The following HSPA12A variants were observed in gnomAD, a reference collection of about 807,000 sequenced individuals.
HSPA12A encodes heat shock 70 kDa protein 12A.
A neutral mutation model predicts 69.2 loss-of-function variants in HSPA12A; 28 were observed. The observed-to-expected ratio is 0.40, with a 90% CI of 0.30 to 0.55. HSPA12A has a LOEUF of 0.55. HSPA12A is among the 20% of genes least tolerant of loss of function. The probability of loss-of-function intolerance (pLI) is 0.38; values close to 1 mark genes in which losing one functional copy is unlikely to be tolerated. For synonymous variants in HSPA12A, 345 were observed against 370.5 expected (o/e 0.93, Z 0.79); for missense variants, 686 against 900.7 (o/e 0.76, Z 3.05).
rs895518427 is a variant in HSPA12A, at chr10:116,798,161, G to A, written c.91+36774C>T. On this transcript the variant is annotated intron_variant, in intron 2 of 12. Transcript: ENST00000635765. ...GAACTGGACTTCCCTCAATGTGGAC[G>A]GTAGAGGGGCGGGGCGGTGGGGCGG... Among the ~76,000 whole-genome samples, 6 of 150,916 alleles carry A rather than the reference G, an allele frequency of 4.0e-5. No homozygotes were observed. The South Asian group carries it at 6.4e-4, about 16-fold the overall frequency.
intron 1 of HSPA12A, among the ~76,000 whole-genome samples, chr10:116,712,251 A>C (rs181796359): frequency 6.6e-6 from 1 of 152,320 alleles, no homozygotes; most frequent in East Asian, 1.9e-4. Context: ...GGGTGGTTAT[A>C]GATTAACTCA....
chr10:116,802,271 T>G (rs895203836), intron 2 of HSPA12A, among the ~76,000 whole-genome samples: 1 of 152,186 alleles, frequency 6.6e-6, no homozygotes, highest in African/African-American at 2.4e-5. Context: ...CCCAGGCCCG[T>G]GGACTCCTGT....
intron 2 of HSPA12A, among the ~76,000 whole-genome samples, chr10:116,749,123 C>A (rs1278626760): frequency 2.0e-5 from 3 of 152,156 alleles, no homozygotes; most frequent in African/African-American, 7.2e-5. Flanking sequence ...CATTTCTCCA[C>A]GGCACTTTTA....
chr10:116,784,379 T>G (rs1844531171), intron 2 of HSPA12A, among the ~76,000 whole-genome samples: 1 of 152,278 alleles, frequency 6.6e-6, no homozygotes, highest in Admixed American at 6.5e-5. Flanking sequence ...ATTTCTCTGT[T>G]CTGCAGAGCA....
upstream of HSPA12A, among the ~76,000 whole-genome samples, chr10:116,742,776 C>G (rs1851559300): frequency 6.6e-6 from 1 of 151,952 alleles, no homozygotes; most frequent in African/African-American, 2.4e-5. Context: ...CCGGCCTCTC[C>G]TCTCCCGGCT....
intron 2 of HSPA12A, among the ~76,000 whole-genome samples, chr10:116,809,816 G>A (rs1845139667): frequency 6.6e-6 from 1 of 152,192 alleles, no homozygotes; most frequent in Admixed American, 6.5e-5. Context: ...GTTGCTCACC[G>A]CCATAACTGC....
chr10:116,826,097 C>A (rs1424371283), intron 2 of HSPA12A, among the ~76,000 whole-genome samples: 1 of 152,020 alleles, frequency 6.6e-6, no homozygotes, highest in Non-Finnish European at 1.5e-5. Flanking sequence ...ACCGCACATG[C>A]CCCACCCCCA....
chr10:116,692,223 G>A (rs782293742), intron 6 of HSPA12A, 128 bp downstream of exon 6: 7 of 690,120 alleles, frequency 1.0e-5, no homozygotes, highest in Non-Finnish European at 1.8e-5. Flanking sequence ...CCTGGCTAGG[G>A]GAGCCTCCTT....
At position 116,681,845 on chromosome 10, in the gene HSPA12A, G is replaced by A. The variant is rs570066842; in HGVS notation, c.868C>T (p.Arg290Trp). ...ATGACATTCTCCACCAAAAAGGTCC[G>A]ACTCTGCCGATTACGCCGTATGTGT... ...KEHIRRNRQS[R>W]TFLVENVIGE... Residue 290 changes from arginine to tryptophan, a missense_variant, in exon 8 of 12, where the codon CGG becomes TGG. By Grantham distance (101) the Arg-to-Trp change is moderately radical (BLOSUM62 -3). Transcript: ENST00000369209. The A allele has an allele frequency of 2.5e-6, 4 of 1,614,124 alleles. No individual in the cohort carries two copies. Among genetic ancestry groups the A allele is most frequent in the South Asian group, 2.2e-5 (2 of 91,068 alleles).
chr10:116,843,219 G>T (rs527951892), intron 1 of HSPA12A, among the ~76,000 whole-genome samples: 1 of 152,140 alleles, frequency 6.6e-6, no homozygotes, highest in Non-Finnish European at 1.5e-5. Flanking sequence ...ACAATTTTGC[G>T]CAAATGCTAA....
At chr10:116,726,027 G>GCGCGCA (rs140160132) in intron 1 of HSPA12A, among the ~76,000 whole-genome samples, 45,723 of 146,078 alleles carry the variant, frequency 0.31, 7,251 homozygotes, top group South Asian at 0.49. Flanking sequence ...ACACACACAC[G>GCGCGCA]CACACACACA....
intron 6 of HSPA12A, among the ~76,000 whole-genome samples, chr10:116,692,144 G>A (rs1259570956): frequency 6.6e-6 from 1 of 152,196 alleles, no homozygotes; most frequent in Non-Finnish European, 1.5e-5. Flanking sequence ...CTTGTTGTGG[G>A]ACTGACCCCC....
rs532661681 is a variant in HSPA12A at position 116,817,484 on chromosome 10, G to T, written c.91+17451C>A. 3.0e-5 allele frequency among the ~76,000 whole-genome samples: 4 copies of T among 133,216 alleles called. No homozygotes were observed. The East Asian group carries it at 9.8e-4, about 33-fold the overall frequency. The allele number at this position is 133,216 out of a possible 152,430, so 87.4% of individuals were successfully genotyped here. A position where few individuals can be genotyped will look rare whatever the true frequency, so the allele number is the denominator to read the frequency against. On this transcript the variant is annotated intron_variant, in intron 2 of 12. Transcript: ENST00000635765. ...GACAGGCTGGTCTTCTATTCGCTCGGTTCAAGGCTCTGGCAGAGGAAATCC... is the reference window on the plus strand; with the variant it reads ...GACAGGCTGGTCTTCTATTCGCTCGTTTCAAGGCTCTGGCAGAGGAAATCC...
chr10:116,825,459 C>G (rs977691471), intron 2 of HSPA12A, among the ~76,000 whole-genome samples: 2 of 152,044 alleles, frequency 1.3e-5, no homozygotes, highest in Admixed American at 1.3e-4. Context: ...TGCAGTGAGA[C>G]TAGATGGTGC....
chr10:116,712,977 A>ATATAT (rs1850481892), intron 1 of HSPA12A, among the ~76,000 whole-genome samples: 2 of 80,858 alleles, frequency 2.5e-5, no homozygotes, highest in South Asian at 9.2e-4. Flanking sequence ...TAAAAAATGC[A>ATATAT]ATATATATAT....
intron 1 of HSPA12A, among the ~76,000 whole-genome samples, chr10:116,733,980 A>C (rs1360108267): frequency 1.3e-5 from 2 of 152,214 alleles, no homozygotes; most frequent in African/African-American, 4.8e-5. Context: ...ACAAACCCAT[A>C]CACTAAAAAT....
intron 2 of HSPA12A, among the ~76,000 whole-genome samples, chr10:116,780,011 T>C (rs1844429241): frequency 1.3e-5 from 2 of 152,014 alleles, no homozygotes; most frequent in South Asian, 4.2e-4. Flanking sequence ...CAGCCACGAG[T>C]CAGAGACCAC....
intron 1 of HSPA12A, among the ~76,000 whole-genome samples, chr10:116,725,581 G>A (rs1554884875): frequency 6.6e-6 from 1 of 152,114 alleles, no homozygotes; most frequent in Non-Finnish European, 1.5e-5. Context: ...TCTCTCCAAG[G>A]AAGACATCAG....
At chr10:116,809,844 A>G (rs1845140390) in intron 2 of HSPA12A, among the ~76,000 whole-genome samples, 1 of 152,230 alleles carries the variant, frequency 6.6e-6, no homozygotes, top group Non-Finnish European at 1.5e-5. Context: ...TCTTGGGTAT[A>G]CAGAACTGGC....
Sources: allele counts gnomAD v4.1 joint callset (sites outside exome capture counted in the v4.1 genomes callset), GRCh38; gene constraint gnomAD v4.1.1; transcripts MANE v1.5; gene names NCBI Gene and HGNC (gene_info 2026-07-23, HGNC 2026-07-21).